The following DST variants were observed in gnomAD, a reference collection of about 807,000 sequenced individuals.
DST encodes bullous pemphigoid antigen.
Under a neutral mutation model 875.2 loss-of-function variants are expected in DST, and 253 were observed. The observed-to-expected ratio is 0.29, with a 90% CI of 0.26 to 0.32. The LOEUF is 0.32. Ranked by LOEUF, DST falls within the 10% of genes least tolerant of loss-of-function variation. DST has a pLI of 1.00. For synonymous variants in DST, 3,124 were observed against 3,197.1 expected (o/e 0.98, Z 0.77); for missense variants, 8,287 against 9,111.6 (o/e 0.91, Z 3.68).
intron 98 of DST, among the ~76,000 whole-genome samples, chr6:56,468,669 T>G (rs770977699): frequency 2.6e-5 from 4 of 152,148 alleles, no homozygotes; most frequent in Non-Finnish European, 5.9e-5. Flanking sequence ...TTCCAATGAG[T>G]ACTAGCATAA....
intron 9 of DST, chr6:56,692,250 A>C: frequency 2.5e-6 from 1 of 404,726 alleles, no homozygotes; most frequent in Non-Finnish European, 4.2e-6. Context: ...GAGGCTACTA[A>C]CAAAACGCAA....
chr6:56,555,355 T>C lies in DST; in HGVS notation c.15126A>G (p.Glu5042=). ...EGILKSFKDV[E]QKAENHVQHL... ...TAAAAGTAGACAAACCTGCTTTCTG[T>C]TCAACATCCTTAAATGATTTTAAGA... Residue 5042 remains glutamate, a synonymous_variant, in exon 60 of 104, where the codon GAA becomes GAG. Coordinates refer to ENST00000680361, the MANE Select transcript of DST (RefSeq NM_001374736.1). 3 of 1,581,100 alleles carry C rather than the reference T, an allele frequency of 1.9e-6. No homozygotes were observed. Among genetic ancestry groups the C allele is most frequent in the Non-Finnish European group, 2.6e-6 (3 of 1,163,622 alleles).
chr6:56,722,787 C>G (rs2099427910), intron 5 of DST, among the ~76,000 whole-genome samples: 1 of 152,168 alleles, frequency 6.6e-6, no homozygotes, highest in Non-Finnish European at 1.5e-5. Context: ...AAGTAAATAG[C>G]TGAACATGTA....
intron 17 of DST, among the ~76,000 whole-genome samples, chr6:56,641,503 G>C (rs1011183196): frequency 6.6e-6 from 1 of 152,012 alleles, no homozygotes; most frequent in Non-Finnish European, 1.5e-5. Context: ...CATGAGAATC[G>C]CCTGAACCCA....
intron 88 of DST, among the ~76,000 whole-genome samples, 172 bp from the exon 89 acceptor site, chr6:56,483,049 A>T (rs2095449070): frequency 6.6e-6 from 1 of 152,178 alleles, no homozygotes; most frequent in African/African-American, 2.4e-5. Context: ...CACTGCTCCT[A>T]TTTGAGCACC....
At chr6:56,586,086 G>C (rs1585709781) in intron 49 of DST, among the ~76,000 whole-genome samples, 1 of 152,302 alleles carries the variant, frequency 6.6e-6, no homozygotes, top group East Asian at 1.9e-4. Context: ...ATTTGGGGTG[G>C]AGAGTTCTGC....
At chr6:56,589,985 A>AT (rs1471433277) in intron 49 of DST, among the ~76,000 whole-genome samples, 1 of 152,254 alleles carries the variant, frequency 6.6e-6, no homozygotes, top group East Asian at 1.9e-4. Flanking sequence ...GTTAAAAGTA[A>AT]TTGTAAAATG....
rs2095773185 is a variant in DST, at chr6:56,492,216, A to C, written c.20757+11T>G. The C allele has an allele frequency of 1.2e-6, 2 of 1,610,468 alleles. No individual in the cohort carries two copies. The highest frequency in any genetic ancestry group is 1.7e-6 in the Non-Finnish European group (2 of 1,178,530). On this transcript the variant is annotated intron_variant, in intron 85 of 103. Coordinates refer to ENST00000680361, the MANE Select transcript of DST (RefSeq NM_001374736.1). ...TGACAAGTTCAGAGAATTTTTCTAA[A>C]GGGTTATTACCTGCTTGGCTCTCTT...
At position 56,485,432 on chromosome 6, in the gene DST, T is replaced by C; in HGVS notation, c.21087A>G (p.Gln7029=). Residue 7029 remains glutamine, a synonymous_variant, in exon 88 of 104, where the codon CAA becomes CAG. Coordinates refer to ENST00000680361, the MANE Select transcript of DST (RefSeq NM_001374736.1). ...TGAGAGCCTGTAGGGCATCTGTGAA[T>C]TGTCCAGAAAATAACAGGGCTTCCT... ...KLEEALLFSG[Q]FTDALQALID... 1 of 1,613,922 alleles carries C rather than the reference T, an allele frequency of 6.2e-7. No homozygotes were observed. Among genetic ancestry groups the C allele is most frequent in the Non-Finnish European group, 8.5e-7 (1 of 1,179,844 alleles).
At chr6:56,900,275 A>C in intron 3 of DST, 146 bp downstream of exon 3, 1 of 599,370 alleles carries the variant, frequency 1.7e-6, no homozygotes, top group South Asian at 1.8e-5. Context: ...TCCTTGCTGA[A>C]ACTCATATGA....
rs752271435 is a variant in DST, at chr6:56,620,243, T to C, written c.4929+4287A>G. ...TTTATTTTTTTGTTGCTCCAAATCA[T>C]TGAGACTTAAATCTTTTCTTTTAAG... On this transcript the variant is annotated intron_variant, in intron 36 of 103. Coordinates refer to ENST00000680361, the MANE Select transcript of DST (RefSeq NM_001374736.1). 7.4e-6 allele frequency: 12 copies of C among 1,613,956 alleles called. No homozygotes were observed. Among genetic ancestry groups the C allele is most frequent in the Middle Eastern group, 1.6e-4 (1 of 6,082 alleles).
At position 56,568,520 on chromosome 6, in the gene DST, A is replaced by G; in HGVS notation, c.13954T>C (p.Leu4652=). ...VNNSGISLCN[L]ISAVTTPAKA... Reference sequence around the variant, plus strand: ...GCAGGGGTGGTCACAGCACTTATTAAGTTACATAGTGAGATCCCACTGTTG... The same window carrying G: ...GCAGGGGTGGTCACAGCACTTATTAGGTTACATAGTGAGATCCCACTGTTG... The change falls in exon 55 of 104, where the codon TTA becomes CTA. Residue 4652 remains leucine (L), a synonymous_variant. Coordinates refer to ENST00000680361, the MANE Select transcript of DST (RefSeq NM_001374736.1). 6.2e-7 allele frequency: 1 copy of G among 1,612,680 alleles called. No individual in the cohort carries two copies. The highest frequency in any genetic ancestry group is 8.5e-7 in the Non-Finnish European group (1 of 1,179,408).
At chr6:56,779,478 G>T (rs552020221) in intron 4 of DST, among the ~76,000 whole-genome samples, 1 of 152,152 alleles carries the variant, frequency 6.6e-6, no homozygotes, top group African/African-American at 2.4e-5. Flanking sequence ...GTCCTGAATG[G>T]TATTGTCTAG....
intron 90 of DST, among the ~76,000 whole-genome samples, chr6:56,480,091 GGT>G (rs2095350307): frequency 6.6e-6 from 1 of 152,030 alleles, no homozygotes; most frequent in African/African-American, 2.4e-5. Flanking sequence ...TTGTGTTCCC[GGT>G]AGTTGGTTCA....
chr6:56,941,490 T>G, intron 2 of DST, among the ~76,000 whole-genome samples: 1 of 152,150 alleles, frequency 6.6e-6, no homozygotes, highest in East Asian at 1.9e-4. Context: ...AAATATTTAT[T>G]TATTCATTTT....
At chr6:56,753,746 TAAGTTAACCA>T (rs1180709765) in intron 4 of DST, among the ~76,000 whole-genome samples, 1 of 152,202 alleles carries the variant, frequency 6.6e-6, no homozygotes, top group African/African-American at 2.4e-5. Flanking sequence ...TGTTTTAAAT[TAAGTTAACCA>T]AAGTTCTCTG....
intron 39 of DST, among the ~76,000 whole-genome samples, chr6:56,609,742 A>T (rs2098528647): frequency 6.6e-6 from 1 of 152,150 alleles, no homozygotes. Context: ...ATCAAACCCC[A>T]TGCTATTGAT....
chr6:56,893,605 A>ATTTTTTTTTTTTTTTTT (rs1789045571), intron 3 of DST, among the ~76,000 whole-genome samples: 2 of 63,408 alleles, frequency 3.2e-5, no homozygotes, highest in South Asian at 4.3e-4. Context: ...TTTATTTTTT[A>ATTTTTTTTTTTTTTTTT]TTTTTTATTT....
chr6:56,613,461 A>G (rs1210570463), intron 37 of DST, among the ~76,000 whole-genome samples: 1 of 152,318 alleles, frequency 6.6e-6, no homozygotes, highest in South Asian at 2.1e-4. Context: ...AACAATGTCT[A>G]TTTTAATAGA....
Sources: gnomAD v4.1 joint callset for allele counts (sites outside exome capture counted in the v4.1 genomes callset) on GRCh38, gnomAD v4.1.1 for gene constraint, MANE v1.5 for transcripts, NCBI Gene and HGNC (gene_info 2026-07-23, HGNC 2026-07-21) for gene names.